ITIH3: variants seen among roughly 807,000 people sequenced by gnomAD.
ITIH3 encodes the protein inter-alpha-trypsin inhibitor heavy chain H3.
In ITIH3, 81 loss-of-function variants were observed where a neutral mutation model predicts 96.5. The observed-to-expected ratio is 0.84, with a 90% CI of 0.70 to 1.01. ITIH3 has a LOEUF of 1.01. Ranked by LOEUF, ITIH3 falls within the 50% of genes least tolerant of loss-of-function variation. The pLI is 0.00. For missense variants in ITIH3, 1,057 were observed against 1,139.3 expected (o/e 0.93, Z 1.04); for synonymous variants, 422 against 445.2 (o/e 0.95, Z 0.66).
At chr3:52,798,398 C>A (rs1699677582) in intron 6 of ITIH3, among the ~76,000 whole-genome samples, 1 of 152,208 alleles carries the variant, frequency 6.6e-6, no homozygotes. Flanking sequence ...GTATAAACAA[C>A]AAACCAATCA....
At chr3:52,803,358 G>T (rs1446555504) in intron 13 of ITIH3, among the ~76,000 whole-genome samples, 1 of 146,454 alleles carries the variant, frequency 6.8e-6, no homozygotes, top group Non-Finnish European at 1.5e-5. Context: ...TCGCTCTGTC[G>T]CCCAGGCTGG....
Position 52,808,203 on chromosome 3 carries a change from A to C in ITIH3, c.2525A>C (p.His842Pro). ...KPDATLVVKN[H>P]QLIVTRGSQK... is the part of the protein sequence containing the mutation. ...GATGCCACATTGGTGGTGAAGAACCATCAGCTGATTGTCACCAGGTGAGGA... is the reference window on the plus strand; with the variant it reads ...GATGCCACATTGGTGGTGAAGAACCCTCAGCTGATTGTCACCAGGTGAGGA... The change falls in exon 21 of 22, where the codon CAT becomes CCT. Residue 842 changes from histidine (H) to proline (P), a missense_variant. Transcript: ENST00000449956. The C allele has an allele frequency of 3.1e-6, 5 of 1,614,064 alleles. No homozygotes were observed. Among genetic ancestry groups the C allele is most frequent in the Non-Finnish European group, 4.2e-6 (5 of 1,179,900 alleles).
intron 18 of ITIH3, 131 bp downstream of exon 18, chr3:52,806,537 TG>T (rs1700056780): frequency 1.4e-6 from 1 of 698,488 alleles, no homozygotes; most frequent in Non-Finnish European, 2.3e-6. Context: ...AAGAAACCCC[TG>T]GGGGTGGGGA....
intron 2 of ITIH3, chr3:52,795,904 T>C: frequency 2.2e-6 from 1 of 460,266 alleles, no homozygotes; most frequent in Non-Finnish European, 3.8e-6. Flanking sequence ...CCTGGCTCTG[T>C]GAAGCGGTCC....
chr3:52,797,473 A>G (rs1459012768), intron 5 of ITIH3, among the ~76,000 whole-genome samples: 2 of 152,234 alleles, frequency 1.3e-5, no homozygotes, highest in African/African-American at 4.8e-5. Context: ...CCACAGATGC[A>G]GATTCGGTGC....
chr3:52,806,194 C>A, intron 17 of ITIH3, 56 bp downstream of exon 17: 1 of 1,597,490 alleles, frequency 6.3e-7, no homozygotes, highest in Non-Finnish European at 8.5e-7. Flanking sequence ...GTGCTCCTGC[C>A]TGTCTCGGAG....
chr3:52,800,012 G>T, intron 9 of ITIH3, 91 bp downstream of exon 9: 1 of 1,260,670 alleles, frequency 7.9e-7, no homozygotes. Flanking sequence ...GACTCTGCTG[G>T]TCTCAGGCCC....
At chr3:52,798,045 G>C in intron 6 of ITIH3, 115 bp downstream of exon 6, 1 of 660,072 alleles carries the variant, frequency 1.5e-6, no homozygotes, top group Admixed American at 2.5e-5. Context: ...TTGGGGTGGG[G>C]CTGGGGATCA....
At chr3:52,805,458 G>A (rs1700001821) in intron 15 of ITIH3, 1 of 1,104,182 alleles carries the variant, frequency 9.1e-7, no homozygotes, top group African/African-American at 1.6e-5. Flanking sequence ...GCAACAGACA[G>A]CCGTGAGCCT....
chr3:52,807,705 G>A (rs762927170), intron 19 of ITIH3, 42 bp from the exon 20 acceptor site: 7 of 1,573,352 alleles, frequency 4.4e-6, no homozygotes, highest in South Asian at 1.2e-5. Context: ...CCAGTGTCAC[G>A]GCCACTGGGC....
rs778176758 is a variant in ITIH3, at chr3:52,804,753, A to G, written c.1873+19A>G. 1 of 1,586,874 alleles carries G rather than the reference A, an allele frequency of 6.3e-7. No individual in the cohort carries two copies. Among genetic ancestry groups the G allele is most frequent in the East Asian group, 2.3e-5 (1 of 43,920 alleles). ...GCAGAAGGTAAGCCTTTAGCCAGCC[A>G]CCGGGTTGGGCATTATGGAAGGGAG... is the stretch of plus-strand genomic sequence containing the variant. On this transcript the variant is annotated intron_variant, in intron 15 of 21. Coordinates refer to ENST00000449956, the MANE Select transcript of ITIH3 (RefSeq NM_002217.4).
At chr3:52,799,258 G>T in intron 7 of ITIH3, 114 bp from the exon 8 acceptor site, 1 of 1,153,446 alleles carries the variant, frequency 8.7e-7, no homozygotes. Context: ...CCTAGAGGGT[G>T]GGATAGGAAC....
At chr3:52,798,640 A>C in intron 6 of ITIH3, 1 of 331,106 alleles carries the variant, frequency 3.0e-6, no homozygotes, top group Non-Finnish European at 5.7e-6. Flanking sequence ...AGCCTGGGCT[A>C]ATGGGTGTGT....
chr3:52,798,259 A>T (rs1485387633), intron 6 of ITIH3, among the ~76,000 whole-genome samples: 1 of 151,994 alleles, frequency 6.6e-6, no homozygotes, highest in Non-Finnish European at 1.5e-5. Flanking sequence ...AGATCTACTG[A>T]CTCCACAATG....
Position 52,806,364 on chromosome 3 carries a change from GC to G in ITIH3, c.2018del (p.Pro673GlnfsTer54). 1 of 1,613,980 alleles carries G rather than the reference GC, an allele frequency of 6.2e-7. No homozygotes were observed. Among genetic ancestry groups the G allele is most frequent in the Non-Finnish European group, 8.5e-7 (1 of 1,179,874 alleles). On this transcript the variant is annotated frameshift_variant, in exon 18 of 22. Coordinates refer to ENST00000449956, the MANE Select transcript of ITIH3 (RefSeq NM_002217.4). LOFTEE classifies it high-confidence loss of function. ...DDALCFNIDE[A>X]PGTVLRLIQD... The stretch of plus-strand genomic sequence containing the variant: ...TGCCCTCTGCTTCAACATCGATGAA[GC>G]CCCAGGCACAGTGCTGCGCCTTATT...
chr3:52,800,574 G>C lies in ITIH3; in HGVS notation c.1112G>C (p.Ser371Thr). 1.9e-6 allele frequency: 3 copies of C among 1,562,802 alleles called. No individual in the cohort carries two copies. Among genetic ancestry groups the C allele is most frequent in the Non-Finnish European group, 2.6e-6 (3 of 1,153,222 alleles). Residue 371 changes from serine to threonine, a missense_variant, in exon 10 of 22, where the codon AGT becomes ACT. Physicochemically the swap from Ser to Thr is moderately conservative, Grantham distance 58. Transcript: ENST00000449956. ...NINDGLLRGI[S>T]MLNKAREEHR... The stretch of plus-strand genomic sequence containing the variant: ...AATGACGGGCTGCTGAGGGGCATCA[G>C]TATGCTGAACAAGGCCCGAGAGGAG...
In ITIH3 at chr3:52,799,804, C is replaced by T; in HGVS notation, c.958C>T (p.Leu320=). The T allele has an allele frequency of 1.2e-6, 2 of 1,613,804 alleles. No individual in the cohort carries two copies. Among genetic ancestry groups the T allele is most frequent in the Non-Finnish European group, 1.7e-6 (2 of 1,179,750 alleles). The change falls in exon 9 of 22, where the codon CTG becomes TTG. Residue 320 remains leucine (L), a synonymous_variant. Coordinates refer to ENST00000449956, the MANE Select transcript of ITIH3 (RefSeq NM_002217.4). ...GGAAGATATGCAAGAGGAAGACTAT[C>T]TGAATTTCATCCTGTTCAGTGGAGA... ...ILEDMQEEDY[L]NFILFSGDVS... is the part of the protein sequence containing the mutation.
At chr3:52,803,756 T>G in intron 13 of ITIH3, 99 bp from the exon 14 acceptor site, 1 of 1,354,184 alleles carries the variant, frequency 7.4e-7, no homozygotes, top group Non-Finnish European at 1.0e-6. Flanking sequence ...ATGGGGAAGG[T>G]GGAGTGGGGA....
intron 12 of ITIH3, 56 bp downstream of exon 12, chr3:52,802,575 G>A: frequency 6.2e-7 from 1 of 1,610,934 alleles, no homozygotes. Context: ...GCAGTGGTAG[G>A]GCTCTGGCCT....
Sources: allele counts gnomAD v4.1 joint callset (sites outside exome capture counted in the v4.1 genomes callset), GRCh38; gene constraint gnomAD v4.1.1; transcripts MANE v1.5; gene names NCBI Gene and HGNC (gene_info 2026-07-23, HGNC 2026-07-21).